FAM53A: variants seen among roughly 807,000 people sequenced by gnomAD.
FAM53A encodes the protein family with sequence similarity 53 member A.
FAM53A carries 28 observed loss-of-function variants against 26.6 expected under a neutral mutation model. That is an observed-to-expected ratio of 1.05 (90% CI 0.78 to 1.45). The LOEUF (loss-of-function observed/expected upper bound fraction) is 1.45, where lower values mean the gene tolerates loss of function less well. Among genes scored for constraint, FAM53A ranks in the 40% most tolerant of loss-of-function variants. FAM53A has a pLI of 0.00. For missense variants in FAM53A, 650 were observed against 575.8 expected, an observed-to-expected ratio of 1.13 and a Z score of -1.32; for synonymous variants, 290 against 253.1, an observed-to-expected ratio of 1.15 and a Z score of -1.38.
chr4:1,625,012 T>TCCCGG, intron 1 of FAM53A, among the ~76,000 whole-genome samples: 1 of 119,520 alleles, frequency 8.4e-6, no homozygotes, highest in Admixed American at 8.5e-5. Context: ...AGGCCCCACG[T>TCCCGG]CCCAGCCCAC....
downstream of FAM53A, among the ~76,000 whole-genome samples, chr4:1,616,055 A>T (rs1250770564): frequency 1.3e-5 from 2 of 152,098 alleles, no homozygotes; most frequent in African/African-American, 4.8e-5. Flanking sequence ...GGATTCCAGG[A>T]AGGAAGGATG....
the FAM53A span, among the ~76,000 whole-genome samples, chr4:1,597,070 C>T: frequency 2.0e-5 from 3 of 152,138 alleles, no homozygotes; most frequent in Non-Finnish European, 2.9e-5. Context: ...TCTGGCATCT[C>T]TGGATCCAGT....
chr4:1,612,647 C>G, the FAM53A span, among the ~76,000 whole-genome samples: 1 of 152,228 alleles, frequency 6.6e-6, no homozygotes, highest in Non-Finnish European at 1.5e-5. Context: ...TGCACACACG[C>G]CCAGGCCTGC....
At chr4:1,600,214 G>A in the FAM53A span, among the ~76,000 whole-genome samples, 29 of 152,150 alleles carry the variant, frequency 1.9e-4, no homozygotes, top group Non-Finnish European at 3.2e-4. Context: ...GCAGGAGGGG[G>A]TGCCCTACTC....
At position 1,651,425 on chromosome 4, in the gene FAM53A, G is replaced by A. The variant is rs529068485; in HGVS notation, c.882+3553C>T. On this transcript the variant is annotated intron_variant, in intron 4 of 4. Coordinates refer to ENST00000308132, the MANE Select transcript of FAM53A (RefSeq NM_001174070.3). The stretch of plus-strand genomic sequence containing the variant: ...TGCATGCCTGCAACCCCAGCTACTC[G>A]GGAGGCTGAGGCAGGAGAATTGCTT... Among the ~76,000 whole-genome samples, 9 of 151,958 alleles carry A rather than the reference G, an allele frequency of 5.9e-5. No individual in the cohort carries two copies. The South Asian group carries it at 1.2e-3, about 21-fold the overall frequency.
intron 2 of FAM53A, among the ~76,000 whole-genome samples, chr4:1,666,560 C>A (rs1179972606): frequency 6.6e-6 from 1 of 152,268 alleles, no homozygotes; most frequent in Non-Finnish European, 1.5e-5. Context: ...TGCGTAGCCA[C>A]CTCCCTGGAA....
At chr4:1,636,739 G>A (rs1560125156), downstream of FAM53A, among the ~76,000 whole-genome samples, 3 of 152,336 alleles carry the variant, frequency 2.0e-5, no homozygotes, top group South Asian at 2.1e-4. Flanking sequence ...TGGGTTTTTC[G>A]GGTACAGAGG....
At chr4:1,629,587 G>T (rs533217723) in intron 1 of FAM53A, among the ~76,000 whole-genome samples, 1 of 152,152 alleles carries the variant, frequency 6.6e-6, no homozygotes, top group Non-Finnish European at 1.5e-5. Flanking sequence ...GTGGCTGCCC[G>T]CACGGGTCCT....
At chr4:1,633,916 C>T (rs1715723456) in intron 1 of FAM53A, among the ~76,000 whole-genome samples, 1 of 152,154 alleles carries the variant, frequency 6.6e-6, no homozygotes, top group African/African-American at 2.4e-5. Flanking sequence ...GGTCTGGCTA[C>T]AGGACCTCAC....
intron 4 of FAM53A, among the ~76,000 whole-genome samples, chr4:1,646,385 C>T (rs1437151075): frequency 1.3e-5 from 2 of 152,192 alleles, no homozygotes; most frequent in African/African-American, 2.4e-5. Flanking sequence ...AGGCGTGAGC[C>T]ACTGTGCCCA....
chr4:1,637,631 C>CGGCAGGGGTGGGCAGGGGTG (rs142291972), downstream of FAM53A, among the ~76,000 whole-genome samples: 4 of 147,774 alleles, frequency 2.7e-5, no homozygotes, highest in Non-Finnish European at 4.5e-5. Context: ...GGGGGCAGCC[C>CGGCAGGGGTGGGCAGGGGTG]GGCAGGGGTG....
At chr4:1,637,936 T>G (rs1715919448), downstream of FAM53A, among the ~76,000 whole-genome samples, 1 of 146,184 alleles carries the variant, frequency 6.8e-6, no homozygotes, top group African/African-American at 2.5e-5. Context: ...TGTCCACGGC[T>G]CTGGGGTCAC....
intron 3 of FAM53A, among the ~76,000 whole-genome samples, chr4:1,657,033 T>A (rs969253727): frequency 6.6e-6 from 1 of 152,186 alleles, no homozygotes; most frequent in East Asian, 1.9e-4. Flanking sequence ...GGCCGCCCAG[T>A]ATGCCATGGC....
chr4:1,578,341 G>A, the FAM53A span, among the ~76,000 whole-genome samples: 10 of 152,320 alleles, frequency 6.6e-5, no homozygotes, highest in Non-Finnish European at 1.5e-4. Context: ...CCTGCACCCC[G>A]TCTGCGTGCA....
At chr4:1,661,065 C>G (rs776448316) in intron 2 of FAM53A, among the ~76,000 whole-genome samples, 2 of 151,930 alleles carry the variant, frequency 1.3e-5, no homozygotes, top group Non-Finnish European at 2.9e-5. Flanking sequence ...CCCATCACAC[C>G]GCCTCCTCTC....
intron 2 of FAM53A, among the ~76,000 whole-genome samples, chr4:1,665,563 C>T (rs1366866815): frequency 5.9e-5 from 9 of 152,072 alleles, no homozygotes; most frequent in African/African-American, 1.4e-4. Context: ...TAGAAACCAC[C>T]GCCATATTCA....
At chr4:1,628,862 G>T (rs1057327017) in intron 1 of FAM53A, among the ~76,000 whole-genome samples, 40 of 151,258 alleles carry the variant, frequency 2.6e-4, no homozygotes, top group African/African-American at 8.3e-4. Context: ...GCACACACTT[G>T]CACTAAGACT....
chr4:1,680,247 A>G (rs1715327136), intron 1 of FAM53A, among the ~76,000 whole-genome samples: 1 of 136,456 alleles, frequency 7.3e-6, no homozygotes, highest in South Asian at 2.4e-4. Flanking sequence ...TGAAACCAGG[A>G]GGCGGAGGTT....
At chr4:1,651,903 G>C (rs1334726503) in intron 4 of FAM53A, among the ~76,000 whole-genome samples, 1 of 151,854 alleles carries the variant, frequency 6.6e-6, no homozygotes. Context: ...CCCACACAGC[G>C]GGGGTTTCTC....
Sources: gnomAD v4.1 joint callset for allele counts (sites outside exome capture counted in the v4.1 genomes callset) on GRCh38, gnomAD v4.1.1 for gene constraint, MANE v1.5 for transcripts, NCBI Gene and HGNC (gene_info 2026-07-23, HGNC 2026-07-21) for gene names.